DPPA4: variants seen among roughly 807,000 people sequenced by gnomAD.
DPPA4 encodes developmental pluripotency associated 4.
DPPA4 carries 22 observed loss-of-function variants against 33.7 expected under a neutral mutation model. The observed-to-expected ratio is 0.65, with a 90% CI of 0.47 to 0.93. The LOEUF is 0.93. Among genes scored for constraint, DPPA4 ranks in the 40% least tolerant of loss-of-function variants. DPPA4 has a pLI of 0.00. For synonymous variants in DPPA4, 156 were observed against 132.3 expected, an observed-to-expected ratio of 1.18 and a Z score of -1.23; for missense variants, 340 against 358.6, an observed-to-expected ratio of 0.95 and a Z score of 0.42.
chr3:109,333,167 C>T (rs1708117911), intron 2 of DPPA4, among the ~76,000 whole-genome samples: 1 of 151,794 alleles, frequency 6.6e-6, no homozygotes, highest in Non-Finnish European at 1.5e-5. Context: ...ATGGTGAAAC[C>T]CTGTCTCTAC....
chr3:109,333,196 C>A (rs932406212), intron 2 of DPPA4, among the ~76,000 whole-genome samples: 1 of 151,770 alleles, frequency 6.6e-6, no homozygotes, highest in Admixed American at 6.6e-5. Context: ...CAAAAATCAG[C>A]CAGGCATGGT....
At chr3:109,331,260 C>CAAAAAAAAAAAAAAAAAAAAAAAAAAA (rs10593582) in intron 4 of DPPA4, among the ~76,000 whole-genome samples, 1 of 58,392 alleles carries the variant, frequency 1.7e-5, no homozygotes, top group Non-Finnish European at 2.8e-5. Flanking sequence ...GACTCTGTCT[C>CAAAAAAAAAAAAAAAAAAAAAAAAAAA]AAAAAAAAAA....
rs1465481102 is a variant in DPPA4, at chr3:109,327,070, A to G, written c.*918T>C. On this transcript the variant is annotated 3_prime_UTR_variant, in exon 7 of 7. Transcript: ENST00000335658. ...ACATTTTAAACTCCAGAAATATACAAAACAATTATAAGTGAAATAATACAA... is the reference window on the plus strand; with the variant it reads ...ACATTTTAAACTCCAGAAATATACAGAACAATTATAAGTGAAATAATACAA... 2 of 152,192 alleles carry G rather than the reference A, an allele frequency of 1.3e-5. No homozygotes were observed. Among genetic ancestry groups the G allele is most frequent in the African/African-American group, 4.8e-5 (2 of 41,448 alleles). 9.4% of individuals were successfully genotyped at this position (152,192 alleles called of 1,614,324 possible).
At chr3:109,332,111 T>C (rs1171296682) in intron 2 of DPPA4, 80 bp from the exon 3 acceptor site, 1 of 1,364,118 alleles carries the variant, frequency 7.3e-7, no homozygotes, top group African/African-American at 1.5e-5. Flanking sequence ...TCACTTTTTT[T>C]TTCTTTTTTG....
At chr3:109,339,145 C>A (rs59757001), upstream of DPPA4, among the ~76,000 whole-genome samples, 1 of 141,716 alleles carries the variant, frequency 7.1e-6, no homozygotes, top group African/African-American at 3.1e-5. Context: ...GAGTCAAGAT[C>A]GTGCCATTGC....
intron 1 of DPPA4, chr3:109,336,398 G>A (rs1043750240): frequency 2.0e-5 from 3 of 151,990 alleles, no homozygotes; most frequent in Admixed American, 1.3e-4. Flanking sequence ...GAGAGCGCTC[G>A]GATATGGCCG....
chr3:109,335,504 C>T (rs1257879848), intron 1 of DPPA4, among the ~76,000 whole-genome samples: 1 of 152,174 alleles, frequency 6.6e-6, no homozygotes, highest in African/African-American at 2.4e-5. Context: ...TCTCGGCTCA[C>T]TGCAACTTCC....
At position 109,327,031 on chromosome 3, in the gene DPPA4, G is replaced by A. The variant is rs1707950665; in HGVS notation, c.*957C>T. 6.6e-6 allele frequency: 1 copy of A among 151,950 alleles called. No homozygotes were observed. Among genetic ancestry groups the A allele is most frequent in the Admixed American group, 6.6e-5 (1 of 15,230 alleles). 9.4% of individuals were successfully genotyped at this position (151,950 alleles called of 1,614,324 possible). A position where few individuals can be genotyped will look rare whatever the true frequency, so the allele number is the denominator to read the frequency against. On this transcript the variant is annotated 3_prime_UTR_variant, in exon 7 of 7. Transcript: ENST00000335658. The stretch of plus-strand genomic sequence containing the variant: ...TCAATATATTATGTATTTATGAGCG[G>A]GAAGCAACCTTAAACATTTTAAACT...
At chr3:109,333,719 G>T in intron 2 of DPPA4, 151 bp downstream of exon 2, 1 of 850,880 alleles carries the variant, frequency 1.2e-6, no homozygotes, top group Non-Finnish European at 1.8e-6. Flanking sequence ...AGATGCTTCA[G>T]GAAGGTAACA....
At chr3:109,329,144 G>T (rs945702719) in intron 5 of DPPA4, 56 bp from the exon 6 acceptor site, 3 of 1,509,238 alleles carry the variant, frequency 2.0e-6, no homozygotes, top group South Asian at 1.2e-5. Context: ...ACATACTGAT[G>T]TAAGACTGCA....
At chr3:109,339,050 CG>C (rs1207862857), upstream of DPPA4, among the ~76,000 whole-genome samples, 1 of 151,406 alleles carries the variant, frequency 6.6e-6, no homozygotes, top group Non-Finnish European at 1.5e-5. Flanking sequence ...AAAAATTAGC[CG>C]GGCATGGTGC....
Position 109,327,829 on chromosome 3 carries a change from C to T in DPPA4, c.*159G>A. The T allele has an allele frequency of 3.4e-6, 2 of 590,960 alleles. No individual in the cohort carries two copies. The highest frequency in any genetic ancestry group is 6.0e-6 in the Non-Finnish European group (2 of 331,518). 36.6% of individuals were successfully genotyped at this position (590,960 alleles called of 1,614,324 possible). On this transcript the variant is annotated 3_prime_UTR_variant, in exon 7 of 7. Transcript: ENST00000335658. Reference sequence around the variant, plus strand: ...ATCTCCACTCACAAAGCAACAGGCACTGCTAGGGGTCTTAGGCTAACATCT... The same window carrying T: ...ATCTCCACTCACAAAGCAACAGGCATTGCTAGGGGTCTTAGGCTAACATCT...
chr3:109,337,122 A>G (rs1442149333), intron 1 of DPPA4, among the ~76,000 whole-genome samples: 3 of 150,820 alleles, frequency 2.0e-5, no homozygotes, highest in Non-Finnish European at 4.4e-5. Context: ...CTGGTCTCGA[A>G]CTCCCGACCT....
chr3:109,329,154 A>G, intron 5 of DPPA4, 66 bp from the exon 6 acceptor site: 2 of 1,400,630 alleles, frequency 1.4e-6, no homozygotes, highest in Non-Finnish European at 2.0e-6. Flanking sequence ...GTAAGACTGC[A>G]TTATGGCCCA....
intron 1 of DPPA4, among the ~76,000 whole-genome samples, chr3:109,336,897 A>C (rs1488673754): frequency 6.6e-6 from 1 of 151,988 alleles, no homozygotes; most frequent in Admixed American, 6.6e-5. Flanking sequence ...TGAAAACCTA[A>C]TTTTTTAACT....
At position 109,326,617 on chromosome 3, in the gene DPPA4, A is replaced by C. The variant is rs1707940623; in HGVS notation, c.*1371T>G. ...AAAGATCCCCTACTTGTAATAACAA[A>C]ACAATGTTGGAAACTGTCATTAAAT... On this transcript the variant is annotated 3_prime_UTR_variant, in exon 7 of 7. Coordinates refer to ENST00000335658, the MANE Select transcript of DPPA4 (RefSeq NM_018189.4). 6.6e-6 allele frequency: 1 copy of C among 152,242 alleles called. No homozygotes were observed. The highest frequency in any genetic ancestry group is 6.5e-5 in the Admixed American group (1 of 15,278). 9.4% of individuals were successfully genotyped at this position (152,242 alleles called of 1,614,324 possible).
intron 2 of DPPA4, 23 bp from the exon 3 acceptor site, chr3:109,332,054 G>A: frequency 6.4e-7 from 1 of 1,550,982 alleles, no homozygotes; most frequent in Non-Finnish European, 8.7e-7. Context: ...GGAATCAAAT[G>A]AGTAGTAATT....
chr3:109,337,717 C>G (rs1708243190), upstream of DPPA4: 2 of 605,798 alleles, frequency 3.3e-6, no homozygotes, highest in South Asian at 2.0e-5. Context: ...ATTACTAATA[C>G]TATTCCTGGC....
At chr3:109,337,348 A>C in intron 1 of DPPA4, 116 bp downstream of exon 1, 1 of 883,374 alleles carries the variant, frequency 1.1e-6, no homozygotes, top group South Asian at 1.5e-5. Context: ...AAAAAAAGTC[A>C]AGAGGAGAAA....
Sources: allele counts gnomAD v4.1 joint callset (sites outside exome capture counted in the v4.1 genomes callset), GRCh38; gene constraint gnomAD v4.1.1; transcripts MANE v1.5; gene names NCBI Gene and HGNC (gene_info 2026-07-23, HGNC 2026-07-21).